Variants in PDK3 observed in about 807,000 individuals in gnomAD.
PDK3 encodes the protein pyruvate dehydrogenase kinase, isozyme 3.
A neutral mutation model predicts 32.0 loss-of-function variants in PDK3; 12 were observed. The ratio of observed to expected loss-of-function variants is 0.37; its 90% confidence interval spans 0.24 to 0.61. The LOEUF is 0.61. PDK3 is among the 20% of genes least tolerant of loss of function. The pLI is 0.65. For missense variants in PDK3, 188 were observed against 316.9 expected (o/e 0.59, Z 3.09); for synonymous variants, 122 against 116.3 (o/e 1.05, Z -0.31).
chrX:24,487,849 C>T (rs1921443078), intron 1 of PDK3, among the ~76,000 whole-genome samples: 1 of 109,579 alleles, frequency 9.1e-6, no homozygotes, highest in Non-Finnish European at 1.9e-5. Context: ...GGCATGGTCT[C>T]TGTTGATTGA....
intron 5 of PDK3, among the ~76,000 whole-genome samples, chrX:24,506,261 G>C (rs1177886435): frequency 1.8e-5 from 2 of 111,671 alleles, no homozygotes; most frequent in Non-Finnish European, 1.9e-5. Flanking sequence ...AGGTGAATCA[G>C]CCCAGCCTCA....
intron 10 of PDK3, among the ~76,000 whole-genome samples, chrX:24,533,212 C>T (rs1016881271): frequency 2.8e-5 from 3 of 106,400 alleles, no homozygotes; most frequent in African/African-American, 6.9e-5. Context: ...TCTCGGCTCA[C>T]TGCAACCTCT....
At chrX:24,476,642 G>A (rs1921120094) in intron 1 of PDK3, among the ~76,000 whole-genome samples, 1 of 111,767 alleles carries the variant, frequency 8.9e-6, no homozygotes, top group Admixed American at 9.5e-5. Flanking sequence ...CTGCACCAGT[G>A]TGGGACATTT....
chrX:24,528,176 C>G lies in PDK3; in HGVS notation c.953C>G (p.Ala318Gly). ...AGACCCAGCCTGGAGCCTACCAGAG[C>G]TGCCCCTTTGGTAAGCATCTGAAAG... ...APRPSLEPTR[A>G]APLAGFGYGL... Residue 318 changes from alanine to glycine, a missense_variant, in exon 9 of 11, where the codon GCT becomes GGT. Transcript: ENST00000379162. 1 of 1,114,179 alleles carries G rather than the reference C, an allele frequency of 9.0e-7. No individual in the cohort carries two copies. The highest frequency in any genetic ancestry group is 1.2e-6 in the Non-Finnish European group (1 of 807,699). The allele number at this position is 1,114,179 out of a possible 1,213,427, so 91.8% of individuals were successfully genotyped here. A position where few individuals can be genotyped will look rare whatever the true frequency, so the allele number is the denominator to read the frequency against.
chrX:24,544,714 G>A (rs1922961698), exon 12 of PDK3, among the ~76,000 whole-genome samples: 1 of 111,827 alleles, frequency 8.9e-6, no homozygotes, highest in South Asian at 3.8e-4. Flanking sequence ...TGGAGTCCGT[G>A]GTATGGAGTT....
At position 24,540,268 on chromosome X, in the gene PDK3, C is replaced by T. The variant is rs183500165; in HGVS notation, c.*1104C>T. ...TAGGAATAGAAGTGACCGAAGAATC[C>T]GGATTGAAACCAGCATCCTATATAC... is the stretch of plus-strand genomic sequence containing the variant. On this transcript the variant is annotated 3_prime_UTR_variant, in exon 12 of 12. Coordinates refer to the PDK3 transcript ENST00000568479. 8.9e-4 allele frequency among the ~76,000 whole-genome samples: 100 copies of T among 111,853 alleles called. 1 individual carries two copies. Among genetic ancestry groups the T allele is most frequent in the African/African-American group, 3.1e-3 (96 of 30,820 alleles).
exon 12 of PDK3, among the ~76,000 whole-genome samples, chrX:24,544,780 G>T (rs973643628): frequency 2.8e-4 from 31 of 111,892 alleles, no homozygotes; most frequent in African/African-American, 9.4e-4. Context: ...TGGATGTGTG[G>T]GTCAGAGGGC....
intron 5 of PDK3, 23 bp downstream of exon 5, chrX:24,505,321 A>G: frequency 9.1e-7 from 1 of 1,101,958 alleles, no homozygotes; most frequent in South Asian, 1.9e-5. Context: ...TTGTAATGGT[A>G]TCGATCGTAG....
At chrX:24,490,177 C>G (rs974998986) in intron 1 of PDK3, among the ~76,000 whole-genome samples, 6 of 111,611 alleles carry the variant, frequency 5.4e-5, no homozygotes, top group Non-Finnish European at 9.4e-5. Context: ...GGGGTCTTGC[C>G]ACATTGCCCA....
chrX:24,468,963 C>T (rs1043840096), intron 1 of PDK3, among the ~76,000 whole-genome samples: 3 of 111,730 alleles, frequency 2.7e-5, no homozygotes, highest in African/African-American at 9.8e-5. Flanking sequence ...CCCCTTTTTT[C>T]GCATAAATGG....
intron 5 of PDK3, among the ~76,000 whole-genome samples, chrX:24,516,639 A>G (rs771935515): frequency 2.7e-5 from 3 of 111,724 alleles, no homozygotes; most frequent in Non-Finnish European, 5.6e-5. Flanking sequence ...TAGCAAATCT[A>G]TAGAGATAAA....
At chrX:24,533,890 A>G in intron 10 of PDK3, 39 bp from the exon 11 acceptor site, 1 of 1,144,383 alleles carries the variant, frequency 8.7e-7, no homozygotes, top group Non-Finnish European at 1.2e-6. Context: ...GAAAAATGAC[A>G]CTGTCGACCT....
intron 1 of PDK3, among the ~76,000 whole-genome samples, chrX:24,486,959 T>C (rs1921417183): frequency 9.0e-6 from 1 of 111,639 alleles, no homozygotes; most frequent in Non-Finnish European, 1.9e-5. Flanking sequence ...TGGCCTAGAG[T>C]GGAGGCAGCC....
chrX:24,480,844 C>G (rs1294822527), intron 1 of PDK3, among the ~76,000 whole-genome samples: 1 of 111,485 alleles, frequency 9.0e-6, no homozygotes, highest in African/African-American at 3.3e-5. Context: ...GTATGCTAGT[C>G]AGAAGGATGA....
intron 1 of PDK3, among the ~76,000 whole-genome samples, chrX:24,485,672 G>A (rs2148184654): frequency 8.9e-6 from 1 of 112,036 alleles, no homozygotes; most frequent in African/African-American, 3.2e-5. Context: ...CAAGGTAAAG[G>A]ACAAAAGGGG....
At chrX:24,470,413 G>A (rs923500572) in intron 1 of PDK3, among the ~76,000 whole-genome samples, 15 of 111,024 alleles carry the variant, frequency 1.4e-4, no homozygotes, top group Non-Finnish European at 2.8e-4. Flanking sequence ...TTGGCTAGGC[G>A]CGGTGGCTCA....
intron 10 of PDK3, among the ~76,000 whole-genome samples, chrX:24,532,682 C>T (rs1030510586): frequency 1.8e-5 from 2 of 112,052 alleles, no homozygotes; most frequent in Non-Finnish European, 1.9e-5. Flanking sequence ...AGATCACCAC[C>T]GGTCTCAGCG....
intron 1 of PDK3, among the ~76,000 whole-genome samples, chrX:24,467,167 T>G (rs1372006618): frequency 8.9e-6 from 1 of 112,200 alleles, no homozygotes; most frequent in African/African-American, 3.2e-5. Flanking sequence ...GGAAAACCTG[T>G]GAGGCCAGTA....
intron 5 of PDK3, among the ~76,000 whole-genome samples, chrX:24,508,394 C>T (rs745658320): frequency 1.8e-5 from 2 of 111,818 alleles, no homozygotes; most frequent in South Asian, 7.6e-4. Context: ...CAAACCGTAT[C>T]AATGAAGTTT....
Sources: allele counts gnomAD v4.1 joint callset (sites outside exome capture counted in the v4.1 genomes callset), GRCh38; gene constraint gnomAD v4.1.1; transcripts MANE v1.5; gene names NCBI Gene and HGNC (gene_info 2026-07-23, HGNC 2026-07-21).